The following ACER3 variants were observed in gnomAD, a reference collection of about 807,000 sequenced individuals.
ACER3 encodes the protein alkaline ceramidase 3.
In ACER3, 16 loss-of-function variants were observed where a neutral mutation model predicts 48.9. The observed-to-expected ratio is 0.33, with a 90% CI of 0.22 to 0.50. ACER3 has a LOEUF of 0.50. ACER3 is among the 20% of genes least tolerant of loss of function. The pLI, the probability that ACER3 is intolerant of heterozygous loss-of-function variation, is 0.98. For missense variants in ACER3, 227 were observed against 326.0 expected, an observed-to-expected ratio of 0.70 and a Z score of 2.34; for synonymous variants, 109 against 107.8, an observed-to-expected ratio of 1.01 and a Z score of -0.07.
intron 7 of ACER3, among the ~76,000 whole-genome samples, chr11:77,005,972 C>T (rs1390832355): frequency 1.2e-4 from 13 of 107,086 alleles, no homozygotes; most frequent in East Asian, 3.5e-4. Flanking sequence ...TATATATATA[C>T]ATATATATAT....
chr11:76,916,287 C>A (rs1046108071), intron 1 of ACER3, among the ~76,000 whole-genome samples: 3 of 152,128 alleles, frequency 2.0e-5, no homozygotes, highest in Non-Finnish European at 4.4e-5. Context: ...TACCTGTACT[C>A]TTGAAAATTT....
intron 2 of ACER3, among the ~76,000 whole-genome samples, chr11:76,933,123 A>G (rs1947055234): frequency 2.7e-5 from 4 of 148,418 alleles, no homozygotes; most frequent in Admixed American, 2.0e-4. Flanking sequence ...GAATTACAAA[A>G]CACATCAACC....
intron 7 of ACER3, among the ~76,000 whole-genome samples, chr11:77,006,347 G>A (rs1486899471): frequency 1.3e-5 from 2 of 151,932 alleles, no homozygotes; most frequent in Non-Finnish European, 2.9e-5. Flanking sequence ...TATGATTTTT[G>A]TCTTAATCAT....
At position 76,868,642 on chromosome 11, in the gene ACER3, T is replaced by C. The variant is rs1255222910; in HGVS notation, c.103+7563T>C. Among the ~76,000 whole-genome samples, 4 of 152,172 alleles carry C rather than the reference T, an allele frequency of 2.6e-5. No homozygotes were observed. In the East Asian group the frequency reaches 7.7e-4, roughly 29 times the overall value. ...TCATTACAGAGAGAGTCCTGCCTCA[T>C]ACCCTGGAGGAAGGAATGCTGCAGA... On this transcript the variant is annotated intron_variant, in intron 1 of 10. Coordinates refer to ENST00000532485, the MANE Select transcript of ACER3 (RefSeq NM_018367.7).
intron 1 of ACER3, among the ~76,000 whole-genome samples, chr11:76,901,190 G>T (rs1430904504): frequency 1.3e-5 from 2 of 151,496 alleles, no homozygotes; most frequent in Non-Finnish European, 2.9e-5. Context: ...ATTTAAGGGG[G>T]TAGATCACTT....
chr11:77,011,690 T>C (rs1456275604), intron 7 of ACER3, among the ~76,000 whole-genome samples: 1 of 152,182 alleles, frequency 6.6e-6, no homozygotes, highest in African/African-American at 2.4e-5. Context: ...CGTTCACTTA[T>C]ATGCCAATAC....
chr11:76,994,101 T>C, intron 6 of ACER3: 1 of 444,582 alleles, frequency 2.2e-6, no homozygotes, highest in Non-Finnish European at 4.5e-6. Context: ...CTATAACATT[T>C]ATTTTATTCA....
At chr11:76,893,634 C>T (rs781355045) in intron 1 of ACER3, among the ~76,000 whole-genome samples, 1 of 152,012 alleles carries the variant, frequency 6.6e-6, no homozygotes, top group Non-Finnish European at 1.5e-5. Context: ...GCCTGGGCAA[C>T]ATAGCGAGAT....
chr11:76,901,141 C>T lies in ACER3; in HGVS notation c.104-25416C>T, dbSNP rs72943608. 9.9e-3 allele frequency among the ~76,000 whole-genome samples: 1,505 copies of T among 152,048 alleles called. 12 individuals carry two copies. Among genetic ancestry groups the T allele is most frequent in the Non-Finnish European group, 0.016 (1,065 of 68,002 alleles). On this transcript the variant is annotated intron_variant, in intron 1 of 10. Coordinates refer to ENST00000532485, the MANE Select transcript of ACER3 (RefSeq NM_018367.7). ...CACAGAGTGTTGTGTTTACATGAGCCTTAATGGTCCTTCGGATCCCCTGAT... is the reference window on the plus strand; with the variant it reads ...CACAGAGTGTTGTGTTTACATGAGCTTTAATGGTCCTTCGGATCCCCTGAT...
At chr11:76,922,487 A>G (rs536675139) in intron 1 of ACER3, among the ~76,000 whole-genome samples, 21 of 152,256 alleles carry the variant, frequency 1.4e-4, no homozygotes, top group African/African-American at 5.1e-4. Flanking sequence ...TTGGATATAT[A>G]ACTCTCAATC....
chr11:76,986,211 C>G (rs894230992), intron 5 of ACER3, among the ~76,000 whole-genome samples: 1 of 152,086 alleles, frequency 6.6e-6, no homozygotes, highest in African/African-American at 2.4e-5. Flanking sequence ...TGAAAACTTA[C>G]CATGTCAGGC....
chr11:76,953,337 A>C (rs1255111302), intron 2 of ACER3, among the ~76,000 whole-genome samples: 2 of 152,110 alleles, frequency 1.3e-5, no homozygotes, highest in African/African-American at 4.8e-5. Context: ...GGTGGCTTAC[A>C]CCTGTAATCC....
chr11:76,958,923 C>A, intron 2 of ACER3, 56 bp from the exon 3 acceptor site: 1 of 1,570,028 alleles, frequency 6.4e-7, no homozygotes, highest in South Asian at 1.1e-5. Context: ...CTTCTCAGGT[C>A]ACTGTCCACG....
intron 1 of ACER3, chr11:76,868,138 C>T (rs1590855387): frequency 7.8e-7 from 1 of 1,289,686 alleles, no homozygotes; most frequent in East Asian, 5.5e-5. Flanking sequence ...CTACCATCCT[C>T]CCTGAAGAGC....
intron 3 of ACER3, among the ~76,000 whole-genome samples, chr11:76,960,593 T>C (rs192944581): frequency 3.3e-5 from 5 of 152,308 alleles, no homozygotes; most frequent in Admixed American, 2.0e-4. Flanking sequence ...AGTAGCCACA[T>C]TGGAGTGTCA....
chr11:77,015,789 T>C (rs1481722817), intron 8 of ACER3, among the ~76,000 whole-genome samples: 1 of 152,112 alleles, frequency 6.6e-6, no homozygotes, highest in Non-Finnish European at 1.5e-5. Context: ...ACAGAATGAA[T>C]GACCTGGTCT....
At chr11:76,956,915 AT>A (rs560620800) in intron 2 of ACER3, among the ~76,000 whole-genome samples, 2 of 151,994 alleles carry the variant, frequency 1.3e-5, no homozygotes, top group Non-Finnish European at 2.9e-5. Context: ...CAATCTAGTG[AT>A]TTTTTTAAAG....
At chr11:76,883,598 C>T (rs56690742) in intron 1 of ACER3, among the ~76,000 whole-genome samples, 3,584 of 152,144 alleles carry the variant, frequency 0.024, 146 homozygotes, top group African/African-American at 0.082. Flanking sequence ...GTGTGTGCTA[C>T]CACGCTTGGC....
intron 1 of ACER3, among the ~76,000 whole-genome samples, chr11:76,862,656 T>A (rs903945044): frequency 1.4e-4 from 21 of 152,140 alleles, no homozygotes; most frequent in African/African-American, 4.3e-4. Context: ...AATTTTTTTT[T>A]AATTTATTTG....
Sources: allele counts gnomAD v4.1 joint callset (sites outside exome capture counted in the v4.1 genomes callset), GRCh38; gene constraint gnomAD v4.1.1; transcripts MANE v1.5; gene names NCBI Gene and HGNC (gene_info 2026-07-23, HGNC 2026-07-21).